The following PWP1 variants were observed in gnomAD, a reference collection of about 807,000 sequenced individuals.
The protein encoded by PWP1 is PWP1 homolog, endonuclein.
In PWP1, 47 loss-of-function variants were observed where a neutral mutation model predicts 69.9. That is an observed-to-expected ratio of 0.67 (90% CI 0.53 to 0.86). PWP1 has a LOEUF of 0.86. Among genes scored for constraint, PWP1 ranks in the 40% least tolerant of loss-of-function variants. The pLI, the probability that PWP1 is intolerant of heterozygous loss-of-function variation, is 0.00. For missense variants in PWP1, 551 were observed against 608.8 expected, an observed-to-expected ratio of 0.91 and a Z score of 1.00; for synonymous variants, 222 against 208.2, an observed-to-expected ratio of 1.07 and a Z score of -0.57.
intron 11 of PWP1, among the ~76,000 whole-genome samples, chr12:107,705,953 A>G (rs2136285174): frequency 6.6e-6 from 1 of 152,336 alleles, no homozygotes; most frequent in South Asian, 2.1e-4. Flanking sequence ...TTTTAGTTCT[A>G]GATCCTTGAG....
In PWP1 at chr12:107,697,464, T is replaced by C. The variant is rs1254479707; in HGVS notation, c.614-3T>C. On this transcript the variant is annotated splice_polypyrimidine_tract_variant and splice_region_variant and intron_variant, in intron 6 of 14. Transcript: ENST00000412830. Reference sequence around the variant, plus strand: ...ATCATACATGCATTGTTTCCTCCCATAGGAAATTACATTGCTGTAGGAAAC... The same window carrying C: ...ATCATACATGCATTGTTTCCTCCCACAGGAAATTACATTGCTGTAGGAAAC... 1.9e-6 allele frequency: 3 copies of C among 1,573,876 alleles called. No homozygotes were observed. Among genetic ancestry groups the C allele is most frequent in the South Asian group, 1.2e-5 (1 of 84,410 alleles).
At chr12:107,688,194 G>C (rs185216400) in intron 1 of PWP1, among the ~76,000 whole-genome samples, 5 of 152,234 alleles carry the variant, frequency 3.3e-5, no homozygotes, top group Admixed American at 2.6e-4. Flanking sequence ...ACCAAAACCA[G>C]TCTTTGGAGT....
At chr12:107,693,162 C>A in intron 5 of PWP1, 66 bp downstream of exon 5, 1 of 1,529,166 alleles carries the variant, frequency 6.5e-7, no homozygotes, top group Admixed American at 2.2e-5. Context: ...GAAATAGTTA[C>A]CATTTCATTT....
intron 11 of PWP1, among the ~76,000 whole-genome samples, chr12:107,705,637 G>A (rs1044576729): frequency 3.3e-5 from 5 of 150,606 alleles, no homozygotes; most frequent in South Asian, 2.1e-4. Context: ...TTCTGTCCTT[G>A]CGATAGATAG....
rs1055054119 is a variant in PWP1, at chr12:107,696,509, C to T, written c.538C>T (p.His180Tyr). 1.7e-5 allele frequency: 28 copies of T among 1,613,814 alleles called. No homozygotes were observed. Among genetic ancestry groups the T allele is most frequent in the Non-Finnish European group, 2.2e-5 (26 of 1,179,970 alleles). ...AGAAGAAGACTCTTTTTATGTACAC[C>T]ATGATATACTCTTGTCTGCATATCC... ...NQEEDSFYVH[H>Y]DILLSAYPLS... The change falls in exon 6 of 15, where the codon CAT becomes TAT. Residue 180 changes from histidine to tyrosine, a missense_variant. Transcript: ENST00000412830.
chr12:107,711,143 C>T (rs1179748646), intron 14 of PWP1, among the ~76,000 whole-genome samples: 5 of 152,156 alleles, frequency 3.3e-5, no homozygotes, highest in African/African-American at 9.7e-5. Flanking sequence ...TTATGGGAAA[C>T]GAGGGATAGG....
rs1889759688 is a variant in PWP1 at position 107,703,743 on chromosome 12, A to G, written c.962A>G (p.Asp321Gly). Residue 321 changes from aspartate to glycine, a missense_variant, in exon 10 of 15, where the codon GAT (aspartate) becomes GGT (glycine). Physicochemically the swap from Asp to Gly is moderately conservative, Grantham distance 94. Coordinates refer to ENST00000412830, the MANE Select transcript of PWP1 (RefSeq NM_007062.3). The part of the protein sequence containing the change: ...EAQTLISGSY[D>G]KSVALYDCRS... ...CAGACTCTGATTTCTGGCTCATATG[A>G]TAAGTAAGAAAGCACAGCAAGAATG... The G allele has an allele frequency of 6.3e-7, 1 of 1,594,836 alleles. No homozygotes were observed. Among genetic ancestry groups the G allele is most frequent in the Non-Finnish European group, 8.6e-7 (1 of 1,162,564 alleles).
chr12:107,689,012 A>G (rs994824070), intron 3 of PWP1, among the ~76,000 whole-genome samples: 1 of 152,216 alleles, frequency 6.6e-6, no homozygotes, highest in Non-Finnish European at 1.5e-5. Context: ...TCTAAAAAAA[A>G]AAGTACTGTG....
chr12:107,694,212 G>A (rs1889539158), intron 5 of PWP1, among the ~76,000 whole-genome samples: 1 of 152,084 alleles, frequency 6.6e-6, no homozygotes, highest in African/African-American at 2.4e-5. Flanking sequence ...TCTCCGTTTT[G>A]TTTTTCTTGT....
chr12:107,688,568 T>G (rs780231658), intron 2 of PWP1, 47 bp from the exon 3 acceptor site: 3 of 1,610,338 alleles, frequency 1.9e-6, no homozygotes, highest in Middle Eastern at 1.7e-4. Context: ...GTCTTGTTAT[T>G]AGAAGGTAGC....
Position 107,709,168 on chromosome 12 carries a change from ACGT to A in PWP1, c.1227_1229del (p.Tyr409_Val410delinsTer). The A allele has an allele frequency of 6.2e-7, 1 of 1,613,982 alleles. No individual in the cohort carries two copies. The highest frequency in any genetic ancestry group is 1.1e-5 in the South Asian group (1 of 91,078). ...CTCGTGACTGCTTCAGCTGACAAAT[ACGT>A]GAAGATCTGGGACATCTTAGGAGAT... is the stretch of plus-strand genomic sequence containing the variant. On this transcript the variant is annotated stop_gained and inframe_deletion, in exon 13 of 15. Transcript: ENST00000412830. LOFTEE classifies it high-confidence loss of function.
Position 107,689,574 on chromosome 12 carries a change from T to C in PWP1, c.319+772T>C, listed in dbSNP as rs557377413. Among the ~76,000 whole-genome samples the C allele has an allele frequency of 9.9e-5, 15 of 152,232 alleles. No individual in the cohort carries two copies. In the South Asian group the frequency reaches 3.1e-3, roughly 32 times the overall value. On this transcript the variant is annotated intron_variant, in intron 3 of 14. Transcript: ENST00000412830. The stretch of plus-strand genomic sequence containing the variant: ...CAGCCGGGCCAACATGGCGAAACCC[T>C]GTCTCTACTAAAAATACAAAACTTA...
At chr12:107,686,092 G>C in intron 1 of PWP1, 121 bp downstream of exon 1, 1 of 1,085,070 alleles carries the variant, frequency 9.2e-7, no homozygotes, top group Non-Finnish European at 1.4e-6. Context: ...GCTGGGGTGA[G>C]GGCGGCTTTG....
At chr12:107,705,708 C>A (rs1889809454) in intron 11 of PWP1, among the ~76,000 whole-genome samples, 1 of 151,994 alleles carries the variant, frequency 6.6e-6, no homozygotes, top group African/African-American at 2.4e-5. Flanking sequence ...TGAACTCATT[C>A]TTTTTTATGG....
intron 6 of PWP1, 123 bp downstream of exon 6, chr12:107,696,707 T>C: frequency 6.9e-7 from 1 of 1,445,134 alleles, no homozygotes; most frequent in Non-Finnish European, 9.2e-7. Context: ...GAAGTTACTG[T>C]TATTTTATGA....
chr12:107,709,064 T>C, intron 12 of PWP1, 47 bp from the exon 13 acceptor site: 1 of 1,613,640 alleles, frequency 6.2e-7, no homozygotes, highest in Non-Finnish European at 8.5e-7. Context: ...TATGATGAAG[T>C]AAATCTGTAT....
Position 107,703,024 on chromosome 12 carries a change from C to CA in PWP1, c.897dup (p.Asp300ArgfsTer12). ...CCAGCAGCTAGCCTCGCTGTACACA[C>CA]AGACAAGGTATGGTGATTTAGTTGA... On this transcript the variant is annotated frameshift_variant, in exon 9 of 15. Transcript: ENST00000412830. LOFTEE classifies it high-confidence loss of function. 6.3e-7 allele frequency: 1 copy of CA among 1,594,728 alleles called. No homozygotes were observed. The highest frequency in any genetic ancestry group is 8.6e-7 in the Non-Finnish European group (1 of 1,162,414).
Position 107,688,731 on chromosome 12 carries a change from A to C in PWP1, c.248A>C (p.Asp83Ala). Residue 83 changes from aspartate to alanine, a missense_variant, in exon 3 of 15, where the codon GAT becomes GCT. Asp to Ala is a moderately radical substitution (Grantham distance 126). Transcript: ENST00000412830. Reference sequence around the variant, plus strand: ...CCCCTGGAGGATGGTGACCCAGAGGATGACAGGACGCTTGATGATGATGAG... The same window carrying C: ...CCCCTGGAGGATGGTGACCCAGAGGCTGACAGGACGCTTGATGATGATGAG... Reference protein sequence around the residue: ...REPLEDGDPEDDRTLDDDELA... With the variant: ...REPLEDGDPEADRTLDDDELA... 6.2e-7 allele frequency: 1 copy of C among 1,614,242 alleles called. No homozygotes were observed. Among genetic ancestry groups the C allele is most frequent in the Non-Finnish European group, 8.5e-7 (1 of 1,180,050 alleles).
At chr12:107,711,203 C>T (rs547342505) in intron 14 of PWP1, among the ~76,000 whole-genome samples, 31 of 152,316 alleles carry the variant, frequency 2.0e-4, no homozygotes, top group Middle Eastern at 3.4e-3. Context: ...GGAACATGCC[C>T]TTAAGACACA....
Sources: allele counts gnomAD v4.1 joint callset (sites outside exome capture counted in the v4.1 genomes callset), GRCh38; gene constraint gnomAD v4.1.1; transcripts MANE v1.5; gene names NCBI Gene and HGNC (gene_info 2026-07-23, HGNC 2026-07-21).